SND1: variants seen among roughly 807,000 people sequenced by gnomAD.
The protein encoded by SND1 is staphylococcal nuclease and tudor domain containing 1.
In SND1, 38 loss-of-function variants were observed where a neutral mutation model predicts 121.7. The ratio of observed to expected loss-of-function variants is 0.31; its 90% confidence interval spans 0.24 to 0.41. SND1 has a LOEUF of 0.41. Among genes scored for constraint, SND1 ranks in the 10% least tolerant of loss-of-function variants. The pLI, the probability that SND1 is intolerant of heterozygous loss-of-function variation, is 1.00. For missense variants in SND1, 868 were observed against 1,184.6 expected (o/e 0.73, Z 3.92); for synonymous variants, 401 against 447.4 (o/e 0.90, Z 1.31).
chr7:127,817,724 T>G (rs1299797176), intron 11 of SND1, among the ~76,000 whole-genome samples: 1 of 124,328 alleles, frequency 8.0e-6, no homozygotes, highest in Non-Finnish European at 1.6e-5. Flanking sequence ...CTTCATACTT[T>G]TTTTTTTTTT....
At chr7:127,716,287 A>AT (rs1320263306) in intron 9 of SND1, among the ~76,000 whole-genome samples, 1 of 152,152 alleles carries the variant, frequency 6.6e-6, no homozygotes, top group Admixed American at 6.5e-5. Context: ...ACATCTGTAA[A>AT]TCGCTTTTGG....
chr7:127,756,870 T>A (rs575451545), intron 10 of SND1, among the ~76,000 whole-genome samples: 93 of 152,350 alleles, frequency 6.1e-4, no homozygotes, highest in Non-Finnish European at 1.1e-3. Context: ...ATTATTTGTT[T>A]AAATATAAAT....
At chr7:128,025,761 T>G (rs1174583352) in intron 16 of SND1, among the ~76,000 whole-genome samples, 2 of 152,194 alleles carry the variant, frequency 1.3e-5, no homozygotes, top group African/African-American at 4.8e-5. Flanking sequence ...GAACTCTCCC[T>G]GCAGCTCTGA....
At chr7:127,958,940 C>T (rs368012523) in intron 15 of SND1, among the ~76,000 whole-genome samples, 2 of 152,188 alleles carry the variant, frequency 1.3e-5, no homozygotes, top group East Asian at 1.9e-4. Flanking sequence ...AGCATGCTGG[C>T]GGGTTCACTG....
intron 16 of SND1, among the ~76,000 whole-genome samples, chr7:128,071,399 A>G (rs772215571): frequency 3.9e-5 from 6 of 152,280 alleles, no homozygotes; most frequent in South Asian, 2.1e-4. Context: ...CAAAATTACC[A>G]TAAATAACAA....
At chr7:128,008,061 CACCTG>C (rs1803026972) in intron 16 of SND1, 1 of 152,238 alleles carries the variant, frequency 6.6e-6, no homozygotes, top group Non-Finnish European at 1.5e-5. Context: ...CCTCATCATC[CACCTG>C]AAGTACAAGT....
At chr7:128,025,382 C>A (rs567835712) in intron 16 of SND1, among the ~76,000 whole-genome samples, 1 of 146,800 alleles carries the variant, frequency 6.8e-6, no homozygotes, top group East Asian at 1.9e-4. Context: ...CTTTTAATTT[C>A]TCTGGGGCTC....
intron 10 of SND1, among the ~76,000 whole-genome samples, chr7:127,759,210 G>A (rs952571284): frequency 2.6e-5 from 4 of 152,008 alleles, no homozygotes; most frequent in Non-Finnish European, 2.9e-5. Context: ...GACTTAAGAT[G>A]GTGTCTGTCA....
intron 15 of SND1, among the ~76,000 whole-genome samples, chr7:127,933,353 A>G (rs1800991808): frequency 6.6e-6 from 1 of 152,378 alleles, no homozygotes; most frequent in East Asian, 1.9e-4. Flanking sequence ...GATAGATTAC[A>G]CAGAAGCAAA....
At chr7:127,900,909 G>A (rs914664151) in intron 13 of SND1, among the ~76,000 whole-genome samples, 42 of 152,182 alleles carry the variant, frequency 2.8e-4, no homozygotes, top group Admixed American at 2.3e-3. Flanking sequence ...CTTTCTGCTG[G>A]CTGGCCTGCA....
intron 12 of SND1, among the ~76,000 whole-genome samples, chr7:127,850,809 A>T (rs144196673): frequency 6.6e-6 from 1 of 152,332 alleles, no homozygotes; most frequent in Non-Finnish European, 1.5e-5. Context: ...GGACATCAGA[A>T]ACCTATGTGG....
chr7:127,821,303 CG>C (rs1441148017), intron 11 of SND1, among the ~76,000 whole-genome samples: 1 of 152,136 alleles, frequency 6.6e-6, no homozygotes, highest in Non-Finnish European at 1.5e-5. Context: ...AAGTAGCATG[CG>C]GGGTGCTTGG....
chr7:127,711,778 T>A (rs1046441515), intron 9 of SND1, among the ~76,000 whole-genome samples: 1 of 152,068 alleles, frequency 6.6e-6, no homozygotes, highest in African/African-American at 2.4e-5. Flanking sequence ...TCTATTCTTT[T>A]TAGATTTCTT....
At chr7:127,968,984 C>A (rs554414996) in intron 15 of SND1, among the ~76,000 whole-genome samples, 1 of 152,314 alleles carries the variant, frequency 6.6e-6, no homozygotes, top group African/African-American at 2.4e-5. Flanking sequence ...TCAGTCTTTA[C>A]GACTCAACTC....
At chr7:127,801,802 G>T (rs537367738) in intron 10 of SND1, among the ~76,000 whole-genome samples, 1 of 152,124 alleles carries the variant, frequency 6.6e-6, no homozygotes, top group Non-Finnish European at 1.5e-5. Context: ...ATAGTGTGGG[G>T]TTTAGGATTG....
intron 1 of SND1, among the ~76,000 whole-genome samples, chr7:127,671,436 C>A (rs1795516164): frequency 6.6e-6 from 1 of 152,202 alleles, no homozygotes; most frequent in Non-Finnish European, 1.5e-5. Context: ...CTTCAAACTT[C>A]TGGTCACATT....
At chr7:128,058,463 G>T (rs1270647827) in intron 16 of SND1, among the ~76,000 whole-genome samples, 2 of 152,244 alleles carry the variant, frequency 1.3e-5, no homozygotes, top group African/African-American at 4.8e-5. Context: ...AACTCAGATA[G>T]TCTGGCTGCA....
intron 16 of SND1, among the ~76,000 whole-genome samples, chr7:128,054,940 T>G (rs1461035498): frequency 6.6e-6 from 1 of 152,232 alleles, no homozygotes; most frequent in Non-Finnish European, 1.5e-5. Flanking sequence ...GGAAAGCCTT[T>G]CTTAACGATT....
At chr7:127,683,170 G>A (rs1433448641) in intron 1 of SND1, among the ~76,000 whole-genome samples, 2 of 152,132 alleles carry the variant, frequency 1.3e-5, no homozygotes, top group African/African-American at 4.8e-5. Context: ...ACAGTGGTTG[G>A]CAGATGAAGT....
Sources: allele counts gnomAD v4.1 joint callset (sites outside exome capture counted in the v4.1 genomes callset), GRCh38; gene constraint gnomAD v4.1.1; transcripts MANE v1.5; gene names NCBI Gene and HGNC (gene_info 2026-07-23, HGNC 2026-07-21).